EIF2B3: variants seen among roughly 807,000 people sequenced by gnomAD.
EIF2B3 encodes eukaryotic translation initiation factor 2B subunit gamma.
EIF2B3 carries 20 observed loss-of-function variants against 54.1 expected under a neutral mutation model. That is an observed-to-expected ratio of 0.37 (90% CI 0.26 to 0.54). EIF2B3 has a LOEUF of 0.54. Among genes scored for constraint, EIF2B3 ranks in the 20% least tolerant of loss-of-function variants. EIF2B3 has a pLI of 0.86. For synonymous variants in EIF2B3, 153 were observed against 188.1 expected, an observed-to-expected ratio of 0.81 and a Z score of 1.52; for missense variants, 448 against 547.8, an observed-to-expected ratio of 0.82 and a Z score of 1.82.
At chr1:44,876,387 C>T (rs1364031030) in intron 8 of EIF2B3, among the ~76,000 whole-genome samples, 1 of 145,992 alleles carries the variant, frequency 6.8e-6, no homozygotes. Flanking sequence ...AGCGCCTCTG[C>T]CTGGCCGCGA....
chr1:44,873,604 C>T (rs1305495297), intron 10 of EIF2B3, among the ~76,000 whole-genome samples: 1 of 152,002 alleles, frequency 6.6e-6, no homozygotes, highest in Non-Finnish European at 1.5e-5. Flanking sequence ...TATCCCTTAT[C>T]TGAAATACTT....
chr1:44,875,567 C>G (rs771144773), intron 9 of EIF2B3, 51 bp downstream of exon 9: 3 of 1,569,886 alleles, frequency 1.9e-6, no homozygotes, highest in South Asian at 2.2e-5. Context: ...AAACAAGTCT[C>G]GATGCTCCCA....
chr1:44,890,676 G>C (rs1051240934), intron 6 of EIF2B3, among the ~76,000 whole-genome samples: 2 of 151,972 alleles, frequency 1.3e-5, no homozygotes, highest in South Asian at 2.1e-4. Context: ...CTCTGGGTCT[G>C]GGGGGTTGCA....
intron 11 of EIF2B3, among the ~76,000 whole-genome samples, chr1:44,853,591 A>G (rs1211169145): frequency 1.3e-5 from 2 of 152,150 alleles, no homozygotes; most frequent in Non-Finnish European, 2.9e-5. Flanking sequence ...TGGGTGACAG[A>G]GTAAGACCCT....
At chr1:44,942,408 TA>T (rs1557697026) in intron 3 of EIF2B3, among the ~76,000 whole-genome samples, 37 of 20,534 alleles carry the variant, frequency 1.8e-3, no homozygotes, top group Non-Finnish European at 2.6e-3. Context: ...TATATATATA[TA>T]TATATATATT....
intron 4 of EIF2B3, chr1:44,937,110 TAGTC>T (rs1270062134): frequency 6.6e-6 from 1 of 152,214 alleles, no homozygotes; most frequent in African/African-American, 2.4e-5. Flanking sequence ...ATAGACAATG[TAGTC>T]AGTATCAGTC....
At chr1:44,910,631 C>CTTT (rs60757270) in intron 5 of EIF2B3, among the ~76,000 whole-genome samples, 5 of 61,422 alleles carry the variant, frequency 8.1e-5, no homozygotes, top group Admixed American at 2.2e-4. Flanking sequence ...CCAAGTAATG[C>CTTT]TTTTTTTTTT....
chr1:44,976,578 T>C (rs1391403711), intron 3 of EIF2B3, among the ~76,000 whole-genome samples: 1 of 152,194 alleles, frequency 6.6e-6, no homozygotes, highest in African/African-American at 2.4e-5. Context: ...ATAGAATATT[T>C]TCACAAAAAG....
chr1:44,897,456 T>TA lies in EIF2B3; in HGVS notation c.567-13dup. 3.8e-6 allele frequency: 6 copies of TA among 1,588,168 alleles called. No individual in the cohort carries two copies. Among genetic ancestry groups the TA allele is most frequent in the Non-Finnish European group, 5.2e-6 (6 of 1,164,218 alleles). On this transcript the variant is annotated splice_polypyrimidine_tract_variant and intron_variant, in intron 5 of 11. Coordinates refer to ENST00000360403, the MANE Select transcript of EIF2B3 (RefSeq NM_020365.5). Reference sequence around the variant, plus strand: ...GTATTCTAGGATGCCTGCAAAAAAATAAAAAATAAAAGAAAGAAAGAAGAG... The same window carrying TA: ...GTATTCTAGGATGCCTGCAAAAAAATAAAAAAATAAAAGAAAGAAAGAAGAG...
intron 3 of EIF2B3, among the ~76,000 whole-genome samples, chr1:44,976,179 G>A (rs1644451088): frequency 6.6e-6 from 1 of 152,294 alleles, no homozygotes; most frequent in African/African-American, 2.4e-5. Context: ...CCACAGACTG[G>A]TGGAAAATAT....
chr1:44,937,997 C>T (rs1468953183), intron 4 of EIF2B3, among the ~76,000 whole-genome samples: 1 of 147,016 alleles, frequency 6.8e-6, no homozygotes, highest in Admixed American at 6.8e-5. Flanking sequence ...TCAGTATCTC[C>T]TATAAATTTT....
chr1:44,911,403 T>C (rs1164227839), intron 5 of EIF2B3, among the ~76,000 whole-genome samples: 1 of 152,216 alleles, frequency 6.6e-6, no homozygotes, highest in Non-Finnish European at 1.5e-5. Flanking sequence ...CTGCTCTCAA[T>C]GACCCCAGTG....
At chr1:44,958,895 G>A in intron 3 of EIF2B3, 1 of 823,136 alleles carries the variant, frequency 1.2e-6, no homozygotes, top group Non-Finnish European at 2.1e-6. Context: ...ATTTCATCAA[G>A]GCTGAGGGCC....
Position 44,850,720 on chromosome 1 carries a change from T to A in EIF2B3, c.*231A>T, listed in dbSNP as rs963218115. On this transcript the variant is annotated 3_prime_UTR_variant, in exon 12 of 12. Coordinates refer to ENST00000360403, the MANE Select transcript of EIF2B3 (RefSeq NM_020365.5). ...GGCACACAAGAGTTAGGCCACTGTA[T>A]CTGTCCTGTCCCACACACTTGCTCC... 1 of 580,104 alleles carries A rather than the reference T, an allele frequency of 1.7e-6. No homozygotes were observed. Among genetic ancestry groups the A allele is most frequent in the African/African-American group, 1.9e-5 (1 of 53,280 alleles). 35.9% of individuals were successfully genotyped at this position (580,104 alleles called of 1,614,324 possible). A position where few individuals can be genotyped will look rare whatever the true frequency, so the allele number is the denominator to read the frequency against.
At chr1:44,856,709 G>C (rs945526606) in intron 11 of EIF2B3, among the ~76,000 whole-genome samples, 2 of 152,008 alleles carry the variant, frequency 1.3e-5, no homozygotes, top group African/African-American at 4.8e-5. Flanking sequence ...AAATGATGTG[G>C]CGTCTACAGA....
chr1:44,880,550 A>G (rs1482081177), intron 7 of EIF2B3, among the ~76,000 whole-genome samples: 1 of 152,166 alleles, frequency 6.6e-6, no homozygotes, highest in Non-Finnish European at 1.5e-5. Flanking sequence ...GACAGAAAGT[A>G]CAGAACTTGG....
At chr1:44,908,897 G>A (rs1425880457) in intron 5 of EIF2B3, among the ~76,000 whole-genome samples, 2 of 152,142 alleles carry the variant, frequency 1.3e-5, no homozygotes, top group African/African-American at 2.4e-5. Flanking sequence ...GGGTAGCTGG[G>A]GAAATCAGCA....
intron 5 of EIF2B3, among the ~76,000 whole-genome samples, chr1:44,903,278 T>C (rs374553863): frequency 2.0e-5 from 3 of 152,292 alleles, no homozygotes; most frequent in East Asian, 3.9e-4. Flanking sequence ...AAGCTCTTAG[T>C]GACTCTAAAA....
At chr1:44,967,556 C>T (rs1457392697) in intron 3 of EIF2B3, among the ~76,000 whole-genome samples, 4 of 146,230 alleles carry the variant, frequency 2.7e-5, no homozygotes, top group Admixed American at 6.9e-5. Context: ...CTGGCTAACA[C>T]GGTGAAACCC....
Sources: allele counts gnomAD v4.1 joint callset (sites outside exome capture counted in the v4.1 genomes callset), GRCh38; gene constraint gnomAD v4.1.1; transcripts MANE v1.5; gene names NCBI Gene and HGNC (gene_info 2026-07-23, HGNC 2026-07-21).